Variants in API5 observed in about 807,000 individuals in gnomAD.
API5 encodes the protein FIF.
A neutral mutation model predicts 71.9 loss-of-function variants in API5; 6 were observed. The observed-to-expected ratio is 0.08, with a 90% confidence interval of 0.05 to 0.16. The LOEUF (loss-of-function observed/expected upper bound fraction) is 0.16, where lower values mean the gene tolerates loss of function less well. Ranked by LOEUF, API5 falls within the 10% of genes least tolerant of loss-of-function variation. API5 has a pLI of 1.00. For synonymous variants in API5, 189 were observed against 221.3 expected, an observed-to-expected ratio of 0.85 and a Z score of 1.30; for missense variants, 332 against 612.8, an observed-to-expected ratio of 0.54 and a Z score of 4.84.
chr11:43,338,045 C>T (rs1471654608), intron 13 of API5, among the ~76,000 whole-genome samples: 1 of 152,182 alleles, frequency 6.6e-6, no homozygotes, highest in African/African-American at 2.4e-5. Flanking sequence ...GTCACAACTT[C>T]AGTTATTCCC....
intron 9 of API5, chr11:43,329,199 T>A: frequency 4.0e-6 from 1 of 248,066 alleles, no homozygotes; most frequent in Admixed American, 4.8e-5. Context: ...TTAAAAAAAT[T>A]AGCGGAGTGT....
At position 43,320,844 on chromosome 11, in the gene API5, A is replaced by G; in HGVS notation, c.255A>G (p.Glu85=). The G allele has an allele frequency of 1.2e-6, 2 of 1,612,162 alleles. No homozygotes were observed. Reference sequence around the variant, plus strand: ...AGATTCGACGTCAAGCAATTAAAGAACTGCCTCAATTTGCCACTGGAGAAA... The same window carrying G: ...AGATTCGACGTCAAGCAATTAAAGAGCTGCCTCAATTTGCCACTGGAGAAA... ...DVSIRRQAIK[E]LPQFATGENL... The change falls in exon 3 of 14, where the codon GAA becomes GAG. Residue 85 remains glutamate (E), a synonymous_variant. Transcript: ENST00000531273.
chr11:43,340,274 A>C (rs1038612834), intron 13 of API5: 20 of 311,204 alleles, frequency 6.4e-5, no homozygotes, highest in African/African-American at 4.6e-4. Context: ...GATGAAAGAA[A>C]TTGAAGGAGA....
rs1854568124 is a variant in API5, at chr11:43,313,594, A to G, written c.69+1398A>G. ...TTTTCTGAGCTGAACGAAAAAAAAA[A>G]AATTTCATGTTGGAGATTTATTGTA... On this transcript the variant is annotated intron_variant, in intron 1 of 13. Transcript: ENST00000531273. 3.9e-5 allele frequency among the ~76,000 whole-genome samples: 6 copies of G among 152,326 alleles called. No individual in the cohort carries two copies. In the South Asian group the frequency reaches 1.2e-3, roughly 32 times the overall value.
At chr11:43,323,358 A>G (rs1290959253) in intron 5 of API5, 72 bp from the exon 6 acceptor site, 7 of 1,315,230 alleles carry the variant, frequency 5.3e-6, no homozygotes, top group South Asian at 2.5e-5. Context: ...TAAATTAGCT[A>G]TTCTCTTTCA....
chr11:43,339,419 A>C (rs1038509468), intron 13 of API5: 3 of 152,220 alleles, frequency 2.0e-5, no homozygotes, highest in African/African-American at 7.2e-5. Flanking sequence ...GAAGTTTAGA[A>C]GTTAATGAAG....
At position 43,315,387 on chromosome 11, in the gene API5, G is replaced by GTATT. The variant is rs558586937; in HGVS notation, c.69+3212_69+3215dup. ...CGTCTCAAGGGTTAAATCCTTTTAT[G>GTATT]TATTTATTTATTTATTTATTTATTG... On this transcript the variant is annotated intron_variant, in intron 1 of 13. Transcript: ENST00000531273. Among the ~76,000 whole-genome samples the GTATT allele has an allele frequency of 4.2e-3, 641 of 151,866 alleles. 1 individual carries two copies. Among genetic ancestry groups the GTATT allele is most frequent in the Non-Finnish European group, 5.6e-3 (378 of 67,930 alleles).
chr11:43,330,087 C>A (rs1454234400), intron 10 of API5, 29 bp downstream of exon 10: 1 of 1,557,926 alleles, frequency 6.4e-7, no homozygotes, highest in Non-Finnish European at 8.9e-7. Context: ...ATTTCATAAA[C>A]TGCTAGTTCC....
chr11:43,336,222 AG>A, intron 13 of API5: 1 of 474,706 alleles, frequency 2.1e-6, no homozygotes, highest in South Asian at 6.3e-5. Flanking sequence ...AAGCACTTAA[AG>A]AAAAATATGC....
intron 13 of API5, among the ~76,000 whole-genome samples, chr11:43,341,898 C>T (rs1855628629): frequency 6.6e-6 from 1 of 152,006 alleles, no homozygotes; most frequent in Non-Finnish European, 1.5e-5. Flanking sequence ...GTGGCTCACA[C>T]CTGTAGTCCC....
At chr11:43,331,553 T>C (rs1855258190) in intron 11 of API5, among the ~76,000 whole-genome samples, 1 of 152,140 alleles carries the variant, frequency 6.6e-6, no homozygotes, top group Non-Finnish European at 1.5e-5. Flanking sequence ...TCATCCTTGT[T>C]GTCTTCACAT....
At position 43,329,932 on chromosome 11, in the gene API5, G is replaced by T. The variant is rs752205059; in HGVS notation, c.1128-33G>T. On this transcript the variant is annotated intron_variant, in intron 9 of 13. Transcript: ENST00000531273. ...AGTTTAAAAACAAAATTGAAGTGATGAATTGCTAATTAACAAATACATTTT... is the reference window on the plus strand; with the variant it reads ...AGTTTAAAAACAAAATTGAAGTGATTAATTGCTAATTAACAAATACATTTT... The T allele has an allele frequency of 5.7e-6, 9 of 1,584,398 alleles. No homozygotes were observed. The Admixed American group carries it at 1.5e-4, about 27-fold the overall frequency.
Position 43,344,410 on chromosome 11 carries a change from G to A in API5, c.*1900G>A, listed in dbSNP as rs900493375. 1.6e-4 allele frequency: 25 copies of A among 152,548 alleles called. No homozygotes were observed. Among genetic ancestry groups the A allele is most frequent in the Non-Finnish European group, 2.9e-4 (20 of 67,992 alleles). The allele number at this position is 152,548 out of a possible 1,614,324, so 9.4% of individuals were successfully genotyped here. On this transcript the variant is annotated 3_prime_UTR_variant, in exon 14 of 14. Transcript: ENST00000531273. ...CACAACTTAGGTTATTTTTGCTTCCGAATTTGAATGAAAAACTTAATGCCA... is the reference window on the plus strand; with the variant it reads ...CACAACTTAGGTTATTTTTGCTTCCAAATTTGAATGAAAAACTTAATGCCA...
rs145980271 is a variant in API5 at position 43,335,403 on chromosome 11, G to A, written c.1355+49G>A. Reference sequence around the variant, plus strand: ...TTTAAGTGTTATCAAAACTTAATACGAGTTACATTTACTGTTCAAAAGGGT... The same window carrying A: ...TTTAAGTGTTATCAAAACTTAATACAAGTTACATTTACTGTTCAAAAGGGT... On this transcript the variant is annotated intron_variant, in intron 12 of 13. Transcript: ENST00000531273. 1.1e-4 allele frequency: 127 copies of A among 1,185,146 alleles called. No individual in the cohort carries two copies. The East Asian group carries it at 2.5e-3, about 24-fold the overall frequency. 73.4% of individuals were successfully genotyped at this position (1,185,146 alleles called of 1,614,324 possible).
At chr11:43,342,262 G>T (rs1018042521) in intron 13 of API5, among the ~76,000 whole-genome samples, 166 bp from the exon 14 acceptor site, 3 of 152,196 alleles carry the variant, frequency 2.0e-5, no homozygotes, top group African/African-American at 7.2e-5. Flanking sequence ...TATATATGTT[G>T]TTCTTGTTTT....
chr11:43,343,822 A>G lies in API5; in HGVS notation c.*1312A>G, dbSNP rs1855699157. On this transcript the variant is annotated 3_prime_UTR_variant, in exon 14 of 14. Coordinates refer to ENST00000531273, the MANE Select transcript of API5 (RefSeq NM_001142930.2). Reference sequence around the variant, plus strand: ...TTAATCTTCCCTCCCCAAGTTTGCTATTCAAATCAACTGCCTGAATGACAT... The same window carrying G: ...TTAATCTTCCCTCCCCAAGTTTGCTGTTCAAATCAACTGCCTGAATGACAT... 6.6e-6 allele frequency: 1 copy of G among 152,634 alleles called. No individual in the cohort carries two copies. The highest frequency in any genetic ancestry group is 1.5e-5 in the Non-Finnish European group (1 of 68,034). 9.5% of individuals were successfully genotyped at this position (152,634 alleles called of 1,614,324 possible).
intron 2 of API5, 49 bp downstream of exon 2, chr11:43,318,850 T>C (rs755528992): frequency 1.3e-6 from 2 of 1,557,500 alleles, no homozygotes; most frequent in Admixed American, 3.4e-5. Context: ...TGTTTCTGTA[T>C]GTGGCTGATA....
chr11:43,331,021 C>G (rs1318746240), intron 11 of API5, among the ~76,000 whole-genome samples: 1 of 152,092 alleles, frequency 6.6e-6, no homozygotes, highest in Admixed American at 6.5e-5. Flanking sequence ...CACAAAGTAG[C>G]CATCACTTGT....
At chr11:43,331,570 G>A (rs1855258596) in intron 11 of API5, among the ~76,000 whole-genome samples, 1 of 152,270 alleles carries the variant, frequency 6.6e-6, no homozygotes, top group Non-Finnish European at 1.5e-5. Flanking sequence ...ACATTTAGTA[G>A]GTGGAGAAAG....
Sources: gnomAD v4.1 joint callset for allele counts (sites outside exome capture counted in the v4.1 genomes callset) on GRCh38, gnomAD v4.1.1 for gene constraint, MANE v1.5 for transcripts, NCBI Gene and HGNC (gene_info 2026-07-23, HGNC 2026-07-21) for gene names.